GALNT14: variants seen among roughly 807,000 people sequenced by gnomAD.
GALNT14 encodes polypeptide N-acetylgalactosaminyltransferase 14.
Under a neutral mutation model 77.5 loss-of-function variants are expected in GALNT14, and 60 were observed. The ratio of observed to expected loss-of-function variants is 0.77; its 90% CI spans 0.63 to 0.96. GALNT14 has a LOEUF of 0.96. GALNT14 is among the 40% of genes least tolerant of loss of function. GALNT14 has a pLI of 0.00. For missense variants in GALNT14, 710 were observed against 731.0 expected (o/e 0.97, Z 0.33); for synonymous variants, 280 against 281.7 (o/e 0.99, Z 0.06).
At position 30,969,754 on chromosome 2, in the gene GALNT14, G is replaced by A. The variant is rs1668233383; in HGVS notation, c.300-3452C>T. Among the ~76,000 whole-genome samples, 3 of 152,174 alleles carry A rather than the reference G, an allele frequency of 2.0e-5. No homozygotes were observed. The South Asian group carries it at 6.2e-4, about 32-fold the overall frequency. On this transcript the variant is annotated intron_variant, in intron 2 of 14. Transcript: ENST00000349752. ...TGGGGGATCAGGATACCACTGACCA[G>A]CTGTGGGTACGTGAGCCAATCACCC... is the stretch of plus-strand genomic sequence containing the variant.
intron 1 of GALNT14, among the ~76,000 whole-genome samples, chr2:31,005,650 T>C (rs1021848307): frequency 2.0e-5 from 3 of 152,192 alleles, no homozygotes; most frequent in Non-Finnish European, 4.4e-5. Flanking sequence ...CTCCCTTCCC[T>C]GTGGCAGAAA....
chr2:30,990,585 T>G (rs1669637166), intron 2 of GALNT14, among the ~76,000 whole-genome samples: 1 of 152,218 alleles, frequency 6.6e-6, no homozygotes, highest in African/African-American at 2.4e-5. Context: ...ACCAGTATGG[T>G]GACTAAACTT....
At chr2:30,893,222 T>G in the GALNT14 span, among the ~76,000 whole-genome samples, 1 of 152,170 alleles carries the variant, frequency 6.6e-6, no homozygotes. Flanking sequence ...AGAAAGCAAC[T>G]AATAACACTG....
intron 2 of GALNT14, 81 bp from the exon 3 acceptor site, chr2:30,966,383 T>A: frequency 2.0e-6 from 2 of 991,320 alleles, no homozygotes; most frequent in Non-Finnish European, 3.2e-6. Context: ...GGCATCTGGG[T>A]GGGCATCCCT....
chr2:30,909,420 AAAAG>A (rs1664243577), downstream of GALNT14, among the ~76,000 whole-genome samples: 1 of 152,178 alleles, frequency 6.6e-6, no homozygotes, highest in African/African-American at 2.4e-5. Flanking sequence ...GACACTTCTC[AAAAG>A]AAGACATTTA....
intron 1 of GALNT14, among the ~76,000 whole-genome samples, chr2:31,105,724 CA>C (rs888880030): frequency 5.5e-4 from 79 of 144,716 alleles, no homozygotes; most frequent in African/African-American, 1.3e-3. Context: ...GACCCTGTCT[CA>C]AAAAAAAAAG....
intron 1 of GALNT14, among the ~76,000 whole-genome samples, chr2:31,023,811 T>TC (rs1193718240): frequency 6.6e-6 from 1 of 151,888 alleles, no homozygotes; most frequent in African/African-American, 2.4e-5. Context: ...CCCTCATCAC[T>TC]CTCCTCCTCC....
the GALNT14 span, among the ~76,000 whole-genome samples, chr2:30,902,723 A>T: frequency 6.6e-6 from 1 of 152,194 alleles, no homozygotes; most frequent in Non-Finnish European, 1.5e-5. Flanking sequence ...GAAAACGCCC[A>T]CTGAGAGGCT....
intron 2 of GALNT14, among the ~76,000 whole-genome samples, chr2:30,966,765 T>C (rs982246530): frequency 5.3e-5 from 8 of 152,136 alleles, no homozygotes; most frequent in Admixed American, 5.2e-4. Context: ...GCTACCATGT[T>C]GTGCTGACGC....
In GALNT14 at chr2:30,987,870, C is replaced by T. The variant is rs139648268; in HGVS notation, c.299+4968G>A. 2.1e-3 allele frequency among the ~76,000 whole-genome samples: 316 copies of T among 152,342 alleles called. 1 individual carries two copies. The highest frequency in any genetic ancestry group is 7.3e-3 in the African/African-American group (305 of 41,576). Reference sequence around the variant, plus strand: ...CTCTGTTTCAGGCACTGTCCAAACGCATCCTATAAATCAGAATCCAATTAC... The same window carrying T: ...CTCTGTTTCAGGCACTGTCCAAACGTATCCTATAAATCAGAATCCAATTAC... On this transcript the variant is annotated intron_variant, in intron 2 of 14. Transcript: ENST00000349752.
intron 1 of GALNT14, among the ~76,000 whole-genome samples, chr2:31,053,372 C>T (rs1301216644): frequency 3.3e-5 from 5 of 152,218 alleles, no homozygotes; most frequent in African/African-American, 4.8e-5. Context: ...CCAACTCACC[C>T]GCTAGCACCT....
At chr2:30,910,234 G>C (rs1297812436), downstream of GALNT14, among the ~76,000 whole-genome samples, 1 of 151,808 alleles carries the variant, frequency 6.6e-6, no homozygotes, top group Admixed American at 6.6e-5. Flanking sequence ...AGAAACCCCT[G>C]ATCTGGTCCC....
intron 1 of GALNT14, among the ~76,000 whole-genome samples, chr2:31,007,357 G>A (rs541416121): frequency 1.3e-5 from 2 of 152,184 alleles, no homozygotes; most frequent in Non-Finnish European, 1.5e-5. Context: ...TGGGATTTAT[G>A]ATGCACTTGC....
intron 1 of GALNT14, among the ~76,000 whole-genome samples, chr2:31,102,902 CT>C (rs1254819525): frequency 1.3e-5 from 2 of 151,970 alleles, no homozygotes; most frequent in African/African-American, 4.8e-5. Flanking sequence ...TCCACTTTGT[CT>C]AATGCAAGTT....
intron 1 of GALNT14, among the ~76,000 whole-genome samples, chr2:31,104,130 G>A (rs968219602): frequency 6.6e-6 from 1 of 152,128 alleles, no homozygotes; most frequent in Non-Finnish European, 1.5e-5. Flanking sequence ...CTCCTCATAA[G>A]TGACTTGATC....
At chr2:31,050,157 A>T (rs952573912) in intron 1 of GALNT14, among the ~76,000 whole-genome samples, 2 of 152,208 alleles carry the variant, frequency 1.3e-5, no homozygotes, top group Admixed American at 1.3e-4. Context: ...GGCCAGCATG[A>T]CTACTCCTTA....
chr2:30,943,543 G>A (rs1372622292), intron 8 of GALNT14, among the ~76,000 whole-genome samples: 1 of 152,194 alleles, frequency 6.6e-6, no homozygotes, highest in East Asian at 1.9e-4. Context: ...CCCACAAGAA[G>A]AGAACCTGTC....
chr2:31,020,432 C>T (rs1315390560), intron 1 of GALNT14, among the ~76,000 whole-genome samples: 1 of 152,188 alleles, frequency 6.6e-6, no homozygotes, highest in South Asian at 2.1e-4. Context: ...CCTGGTCCCC[C>T]TCAGGAAAGT....
intron 1 of GALNT14, among the ~76,000 whole-genome samples, chr2:31,036,110 G>A (rs1295455406): frequency 5.9e-5 from 9 of 152,094 alleles, no homozygotes; most frequent in African/African-American, 2.2e-4. Flanking sequence ...TTTGATTGAA[G>A]TGTTTATTCC....
Sources: allele counts gnomAD v4.1 joint callset (sites outside exome capture counted in the v4.1 genomes callset), GRCh38; gene constraint gnomAD v4.1.1; transcripts MANE v1.5; gene names NCBI Gene and HGNC (gene_info 2026-07-23, HGNC 2026-07-21).